Variants in WAPL observed in about 807,000 individuals in gnomAD.
The protein encoded by WAPL is WAPL cohesin release factor.
A neutral mutation model predicts 121.0 loss-of-function variants in WAPL; 5 were observed. The ratio of observed to expected loss-of-function variants is 0.04; its 90% CI spans 0.02 to 0.09. The LOEUF (loss-of-function observed/expected upper bound fraction) is 0.09, where lower values mean the gene tolerates loss of function less well. WAPL is among the 10% of genes least tolerant of loss of function. WAPL has a pLI of 1.00. For missense variants in WAPL, 999 were observed against 1,410.8 expected, an observed-to-expected ratio of 0.71 and a Z score of 4.68; for synonymous variants, 480 against 481.5, an observed-to-expected ratio of 1.00 and a Z score of 0.04.
At chr10:86,504,313 A>G (rs1368815391) in intron 2 of WAPL, among the ~76,000 whole-genome samples, 1 of 62,976 alleles carries the variant, frequency 1.6e-5, no homozygotes, top group African/African-American at 6.1e-5. Flanking sequence ...AAGCTGAACT[A>G]TATTTATATA....
In WAPL at chr10:86,453,354, A is replaced by C. The variant is rs1375046097; in HGVS notation, c.2834-19T>G. The C allele has an allele frequency of 1.9e-6, 3 of 1,610,572 alleles. No homozygotes were observed. In the African/African-American group the frequency reaches 4.0e-5, roughly 22 times the overall value. On this transcript the variant is annotated intron_variant, in intron 13 of 18. Coordinates refer to ENST00000298767, the MANE Select transcript of WAPL (RefSeq NM_015045.5). Reference sequence around the variant, plus strand: ...CCCCACTCTGAAATAAGAAATGGATACAGGAAAATGGTTACTGATTCTTCC... The same window carrying C: ...CCCCACTCTGAAATAAGAAATGGATCCAGGAAAATGGTTACTGATTCTTCC...
chr10:86,451,944 T>C, intron 15 of WAPL, 23 bp downstream of exon 15: 1 of 1,608,872 alleles, frequency 6.2e-7, no homozygotes, highest in South Asian at 1.1e-5. Flanking sequence ...AGTTATGAGT[T>C]TGTTTTTAAA....
At chr10:86,508,483 G>T (rs976811442) in intron 2 of WAPL, among the ~76,000 whole-genome samples, 1 of 151,598 alleles carries the variant, frequency 6.6e-6, no homozygotes, top group African/African-American at 2.4e-5. Flanking sequence ...CCTCCCCTTC[G>T]AACATCTTTA....
intron 2 of WAPL, among the ~76,000 whole-genome samples, chr10:86,516,975 C>CG (rs1395827187): frequency 6.6e-6 from 1 of 151,504 alleles, no homozygotes; most frequent in African/African-American, 2.4e-5. Flanking sequence ...CCCAGCTACT[C>CG]GGGAGGCTGA....
At chr10:86,518,749 T>C (rs1842609589) in intron 1 of WAPL, among the ~76,000 whole-genome samples, 1 of 152,216 alleles carries the variant, frequency 6.6e-6, no homozygotes, top group South Asian at 2.1e-4. Flanking sequence ...AATACTTGAT[T>C]AAATTTAGTT....
chr10:86,458,585 C>T (rs1444479346), intron 12 of WAPL, among the ~76,000 whole-genome samples: 1 of 152,076 alleles, frequency 6.6e-6, no homozygotes, highest in Non-Finnish European at 1.5e-5. Context: ...ACAAAAGATA[C>T]TTTAAAAATC....
intron 4 of WAPL, among the ~76,000 whole-genome samples, chr10:86,492,808 G>A (rs1028851467): frequency 6.6e-6 from 1 of 152,138 alleles, no homozygotes; most frequent in African/African-American, 2.4e-5. Context: ...TGTAATCCCA[G>A]CACTTTGGGA....
intron 11 of WAPL, 114 bp downstream of exon 11, chr10:86,460,285 G>T: frequency 1.3e-6 from 1 of 781,922 alleles, no homozygotes; most frequent in Non-Finnish European, 2.1e-6. Context: ...ATTTCTATCT[G>T]GATTAACAGA....
intron 2 of WAPL, 30 bp downstream of exon 2, chr10:86,517,541 T>C: frequency 6.4e-7 from 1 of 1,570,490 alleles, no homozygotes; most frequent in Non-Finnish European, 8.6e-7. Flanking sequence ...AAAGCTCTCT[T>C]GGCGGAGAAT....
At chr10:86,473,819 T>C (rs1841590096) in intron 5 of WAPL, 59 bp downstream of exon 5, 4 of 1,291,056 alleles carry the variant, frequency 3.1e-6, no homozygotes, top group Non-Finnish European at 4.4e-6. Context: ...ATTAAAAGAG[T>C]AACTGCTTAA....
chr10:86,461,045 A>C lies in WAPL; in HGVS notation c.2482+131T>G, dbSNP rs550963220. 438 of 751,264 alleles carry C rather than the reference A, an allele frequency of 5.8e-4. 1 individual carries two copies. Among genetic ancestry groups the C allele is most frequent in the Non-Finnish European group, 8.4e-4 (413 of 489,924 alleles). The allele number at this position is 751,264 out of a possible 1,614,324, so 46.5% of individuals were successfully genotyped here. A position where few individuals can be genotyped will look rare whatever the true frequency, so the allele number is the denominator to read the frequency against. Reference sequence around the variant, plus strand: ...TCTTTAAATGTTAGAAATTTGCAGGATGCAACTAAAAAATAATAATGATAA... The same window carrying C: ...TCTTTAAATGTTAGAAATTTGCAGGCTGCAACTAAAAAATAATAATGATAA... On this transcript the variant is annotated intron_variant, in intron 10 of 18. Coordinates refer to ENST00000298767, the MANE Select transcript of WAPL (RefSeq NM_015045.5).
At chr10:86,487,958 A>C (rs1841962922) in intron 4 of WAPL, among the ~76,000 whole-genome samples, 1 of 152,172 alleles carries the variant, frequency 6.6e-6, no homozygotes, top group Non-Finnish European at 1.5e-5. Flanking sequence ...GGGTAGGTAG[A>C]GGGAAGGGGG....
intron 9 of WAPL, among the ~76,000 whole-genome samples, chr10:86,465,363 G>A (rs7092827): frequency 0.031 from 4,695 of 152,116 alleles, 268 homozygotes; most frequent in African/African-American, 0.11. Context: ...CCACCACCAC[G>A]CACAGCTAAT....
intron 4 of WAPL, among the ~76,000 whole-genome samples, chr10:86,478,120 T>C (rs1841701656): frequency 1.7e-5 from 1 of 57,890 alleles, no homozygotes. Context: ...CCTAAACTTT[T>C]TTCTGTATTA....
intron 9 of WAPL, 56 bp downstream of exon 9, chr10:86,467,223 A>G: frequency 6.5e-7 from 1 of 1,542,398 alleles, no homozygotes; most frequent in Non-Finnish European, 8.9e-7. Flanking sequence ...ACTGCAACTA[A>G]CCAAAGACTT....
At chr10:86,446,158 A>C in intron 16 of WAPL, 84 bp downstream of exon 16, 1 of 1,468,760 alleles carries the variant, frequency 6.8e-7, no homozygotes, top group Non-Finnish European at 9.4e-7. Context: ...GATTAAGACA[A>C]TCTGCAAATT....
chr10:86,512,584 G>A (rs1200819075), intron 2 of WAPL, among the ~76,000 whole-genome samples: 2 of 152,182 alleles, frequency 1.3e-5, no homozygotes, highest in Non-Finnish European at 2.9e-5. Context: ...CTCTTAGAAG[G>A]GTGGACCTTT....
chr10:86,449,726 A>G (rs1354752976), intron 15 of WAPL, among the ~76,000 whole-genome samples: 1 of 152,234 alleles, frequency 6.6e-6, no homozygotes, highest in Admixed American at 6.5e-5. Flanking sequence ...GTAAGTTTTT[A>G]TTCATTTCTA....
chr10:86,518,021 T>C lies in WAPL; in HGVS notation c.49A>G (p.Ser17Gly), dbSNP rs772547183. The C allele has an allele frequency of 1.2e-6, 2 of 1,614,228 alleles. No homozygotes were observed. Among genetic ancestry groups the C allele is most frequent in the Non-Finnish European group, 1.7e-6 (2 of 1,180,036 alleles). ...GAAAAGACTTCATCGAATTTTGAAC[T>C]GCCATTTCCACCTTTCCTACTGTAT... ...KTYSRKGGNG[S>G]SKFDEVFSNK... Residue 17 changes from serine to glycine, a missense_variant, in exon 2 of 19, where the codon AGT becomes GGT. Ser to Gly is a moderately conservative substitution (Grantham distance 56, BLOSUM62 0). Transcript: ENST00000298767.
Sources: allele counts gnomAD v4.1 joint callset (sites outside exome capture counted in the v4.1 genomes callset), GRCh38; gene constraint gnomAD v4.1.1; transcripts MANE v1.5; gene names NCBI Gene and HGNC (gene_info 2026-07-23, HGNC 2026-07-21).